Variants in IQSEC1 observed in about 807,000 individuals in gnomAD.
IQSEC1 encodes IQ motif and SEC7 domain-containing protein 1.
Under a neutral mutation model 91.0 loss-of-function variants are expected in IQSEC1, and 31 were observed. That is an observed-to-expected ratio of 0.34 (90% confidence interval 0.26 to 0.46). The LOEUF (loss-of-function observed/expected upper bound fraction) is 0.46, where lower values mean the gene tolerates loss of function less well. Among genes scored for constraint, IQSEC1 ranks in the 20% least tolerant of loss-of-function variants. The pLI, the probability that IQSEC1 is intolerant of heterozygous loss-of-function variation, is 1.00. For missense variants in IQSEC1, 1,388 were observed against 1,575.6 expected (o/e 0.88, Z 2.02); for synonymous variants, 699 against 662.6 (o/e 1.05, Z -0.84).
At chr3:12,930,044 G>C (rs925770969) in intron 3 of IQSEC1, among the ~76,000 whole-genome samples, 5 of 152,270 alleles carry the variant, frequency 3.3e-5, no homozygotes, top group Non-Finnish European at 7.3e-5. Flanking sequence ...TGGGAAGAGT[G>C]AGCTGTGTGA....
intron 6 of IQSEC1, among the ~76,000 whole-genome samples, chr3:12,920,098 A>G (rs1696479444): frequency 6.6e-6 from 1 of 152,214 alleles, no homozygotes; most frequent in African/African-American, 2.4e-5. Context: ...CCCCTTTTAA[A>G]ATATATACTT....
chr3:12,909,569 C>T lies in IQSEC1; in HGVS notation c.2417-135G>A. On this transcript the variant is annotated intron_variant, in intron 10 of 13. Transcript: ENST00000613206. The surrounding 1 kb of genome is among the most constrained non-coding windows in gnomAD (Gnocchi z 4.9). ...ATAAGTGCCGGGAGTCCAGCCTCCG[C>T]AGTGGCAGGCTGCAGGGGTGCAGAG... The T allele has an allele frequency of 1.2e-6, 1 of 814,132 alleles. No individual in the cohort carries two copies. The highest frequency in any genetic ancestry group is 1.7e-5 in the South Asian group (1 of 58,014). The allele number at this position is 814,132 out of a possible 1,614,324, so 50.4% of individuals were successfully genotyped here.
At chr3:12,917,014 C>T (rs186116462) in intron 6 of IQSEC1, among the ~76,000 whole-genome samples, 141 of 152,310 alleles carry the variant, frequency 9.3e-4, no homozygotes, top group African/African-American at 3.3e-3. Context: ...AGGCTATGCC[C>T]TGAGCAGGTG....
intron 2 of IQSEC1, among the ~76,000 whole-genome samples, chr3:13,136,904 A>T (rs1706720862): frequency 6.6e-6 from 1 of 152,186 alleles, no homozygotes; most frequent in Non-Finnish European, 1.5e-5. Context: ...TGGGAGGCCA[A>T]AGTAGGAGGA....
At chr3:13,231,230 A>C (rs1293189871) in intron 1 of IQSEC1, among the ~76,000 whole-genome samples, 1 of 152,220 alleles carries the variant, frequency 6.6e-6, no homozygotes, top group Admixed American at 6.5e-5. Context: ...GTTTTTAAAA[A>C]TAATACTCAT....
chr3:13,212,644 G>C (rs576187052), intron 1 of IQSEC1, among the ~76,000 whole-genome samples: 11 of 152,276 alleles, frequency 7.2e-5, no homozygotes, highest in African/African-American at 2.4e-4. Context: ...ATGCATGAGG[G>C]CTCGTTTCTC....
At chr3:13,143,021 C>T (rs1706826768) in intron 2 of IQSEC1, among the ~76,000 whole-genome samples, 1 of 152,214 alleles carries the variant, frequency 6.6e-6, no homozygotes, top group Non-Finnish European at 1.5e-5. Context: ...CTTCTCTGTC[C>T]ACCTTCCACA....
chr3:13,129,149 A>G lies in IQSEC1; in HGVS notation c.302+34955T>C, dbSNP rs542381631. Among the ~76,000 whole-genome samples, 6 of 152,290 alleles carry G rather than the reference A, an allele frequency of 3.9e-5. No homozygotes were observed. The South Asian group carries it at 1.2e-3, about 32-fold the overall frequency. ...TGTAAAAATTTTAACTACAATTTCA[A>G]TTTGTTTGATATAAAGCTATTTAGG... On this transcript the variant is annotated intron_variant, in intron 2 of 15. Transcript: ENST00000648114.
Position 13,099,045 on chromosome 3 carries a change from G to T in IQSEC1, c.303-51523C>A, listed in dbSNP as rs1429380658. Among the ~76,000 whole-genome samples, 6 of 152,186 alleles carry T rather than the reference G, an allele frequency of 3.9e-5. 1 individual carries two copies. In the South Asian group the frequency reaches 1.2e-3, roughly 31 times the overall value. On this transcript the variant is annotated intron_variant, in intron 2 of 15. Transcript: ENST00000648114. ...TGGGATAAGAGGACTTTCGGGGGAT[G>T]GGGGGAACAGGCCGGGTGTCCCCAA...
At chr3:13,004,817 A>G (rs1002979829) in intron 1 of IQSEC1, among the ~76,000 whole-genome samples, 1 of 152,166 alleles carries the variant, frequency 6.6e-6, no homozygotes, top group Non-Finnish European at 1.5e-5. Context: ...GGCCAGCCAC[A>G]GTGCTGGCCA....
At chr3:13,279,083 G>A (rs1392539875) in intron 1 of IQSEC1, among the ~76,000 whole-genome samples, 1 of 152,184 alleles carries the variant, frequency 6.6e-6, no homozygotes, top group African/African-American at 2.4e-5. Flanking sequence ...TGCAGCCATC[G>A]GCCCCACCCC....
At position 12,970,119 on chromosome 3, in the gene IQSEC1, C is replaced by T. The variant is rs116777415; in HGVS notation, c.24-28254G>A. On this transcript the variant is annotated intron_variant, in intron 1 of 13. Coordinates refer to ENST00000613206, the MANE Select transcript of IQSEC1 (RefSeq NM_001134382.3). This position sits in a 1 kb window ranked among gnomAD's most constrained non-coding sequence, Gnocchi z 4.4. ...AGTGGCTTAGCAGCCACCTCTACCC[C>T]AGCTAATTCACCTTGCTGTTTAATT... Among the ~76,000 whole-genome samples, 3,194 of 152,356 alleles carry T rather than the reference C, an allele frequency of 0.021. 119 individuals carry two copies. The highest frequency in any genetic ancestry group is 0.072 in the African/African-American group (2,987 of 41,580).
At chr3:13,132,182 T>C (rs942931300) in intron 2 of IQSEC1, among the ~76,000 whole-genome samples, 2 of 152,246 alleles carry the variant, frequency 1.3e-5, no homozygotes, top group African/African-American at 4.8e-5. Context: ...ATCTGATCCT[T>C]AGCGGCTTGT....
At chr3:12,913,046 G>A (rs958088313) in intron 9 of IQSEC1, among the ~76,000 whole-genome samples, 1 of 152,376 alleles carries the variant, frequency 6.6e-6, no homozygotes, top group South Asian at 2.1e-4. Flanking sequence ...TCTAGGAAGA[G>A]GATTCTACAG....
Position 12,915,766 on chromosome 3 carries a change from G to C in IQSEC1, c.2021-33C>G, listed in dbSNP as rs201475575. On this transcript the variant is annotated intron_variant, in intron 6 of 13. Transcript: ENST00000613206. ...GGGGATGCAGCTGGATATCAGGGTG[G>C]GCCCCAGGCTCACTCGATTTACCAG... 738 of 1,606,600 alleles carry C rather than the reference G, an allele frequency of 4.6e-4. 1 individual carries two copies. The highest frequency in any genetic ancestry group is 5.8e-4 in the Non-Finnish European group (683 of 1,174,118).
chr3:13,151,776 A>C (rs1222732682), intron 2 of IQSEC1, among the ~76,000 whole-genome samples: 1 of 151,862 alleles, frequency 6.6e-6, no homozygotes, highest in Non-Finnish European at 1.5e-5. Context: ...GACCAGCCTG[A>C]CCAACATGGT....
Position 12,899,566 on chromosome 3 carries a change from G to C in IQSEC1, c.*1417C>G. On this transcript the variant is annotated 3_prime_UTR_variant, in exon 14 of 14. Coordinates refer to ENST00000613206, the MANE Select transcript of IQSEC1 (RefSeq NM_001134382.3). ...CTGAGAGTCATGTGATGCCCTGGCA[G>C]CTCACTGGACCATGGGAAGGCAGCG... 1 of 1,491,228 alleles carries C rather than the reference G, an allele frequency of 6.7e-7. No individual in the cohort carries two copies. Among genetic ancestry groups the C allele is most frequent in the Non-Finnish European group, 9.0e-7 (1 of 1,110,850 alleles). The allele number at this position is 1,491,228 out of a possible 1,614,324, so 92.4% of individuals were successfully genotyped here. A position where few individuals can be genotyped will look rare whatever the true frequency, so the allele number is the denominator to read the frequency against.
chr3:13,030,280 A>G (rs11924671), intron 1 of IQSEC1, among the ~76,000 whole-genome samples: 108,353 of 152,020 alleles, frequency 0.71, 38,751 homozygotes, highest in South Asian at 0.89. Flanking sequence ...TATTTTTAAT[A>G]GAGATGGAGT....
In IQSEC1 at chr3:12,903,833, T is replaced by C. The variant is rs141458227; in HGVS notation, c.2756-1011A>G. Among the ~76,000 whole-genome samples the C allele has an allele frequency of 1.6e-3, 242 of 152,270 alleles. 1 individual carries two copies. Among genetic ancestry groups the C allele is most frequent in the Non-Finnish European group, 1.9e-3 (128 of 68,016 alleles). On this transcript the variant is annotated intron_variant, in intron 12 of 13. Transcript: ENST00000613206. ...TCCATCTGGGCAGCATCACCATGTATTGAGCGCTGCGCTGGACATGTCAAC... is the reference window on the plus strand; with the variant it reads ...TCCATCTGGGCAGCATCACCATGTACTGAGCGCTGCGCTGGACATGTCAAC...
Sources: gnomAD v4.1 joint callset for allele counts (sites outside exome capture counted in the v4.1 genomes callset) on GRCh38, gnomAD v4.1.1 for gene constraint, Gnocchi (gnomAD v3.1) non-coding constraint, MANE v1.5 for transcripts, NCBI Gene and HGNC (gene_info 2026-07-23, HGNC 2026-07-21) for gene names.